Variants in SYNPO observed in about 807,000 individuals in gnomAD.
SYNPO encodes the protein synaptopodin.
In SYNPO, 19 loss-of-function variants were observed where a neutral mutation model predicts 49.5. The observed-to-expected ratio is 0.38, with a 90% CI of 0.27 to 0.56. The LOEUF is 0.56. SYNPO is among the 20% of genes least tolerant of loss of function. The probability of loss-of-function intolerance (pLI) is 0.68; values close to 1 mark genes in which losing one functional copy is unlikely to be tolerated. For missense variants in SYNPO, 1,131 were observed against 1,248.3 expected, an observed-to-expected ratio of 0.91 and a Z score of 1.42; for synonymous variants, 536 against 548.0, an observed-to-expected ratio of 0.98 and a Z score of 0.31.
At chr5:150,604,203 G>T (rs1009968146) in intron 1 of SYNPO, among the ~76,000 whole-genome samples, 4 of 152,354 alleles carry the variant, frequency 2.6e-5, no homozygotes, top group Admixed American at 6.5e-5. Flanking sequence ...GTCCTGGCAT[G>T]GGCACGGTTA....
chr5:150,642,807 C>T (rs1182961298), intron 1 of SYNPO, among the ~76,000 whole-genome samples: 2 of 152,242 alleles, frequency 1.3e-5, no homozygotes, highest in African/African-American at 2.4e-5. Context: ...GAGGGCAGGG[C>T]TCTCTTACCT....
At chr5:150,655,892 C>G (rs1758532830) in intron 2 of SYNPO, among the ~76,000 whole-genome samples, 1 of 152,230 alleles carries the variant, frequency 6.6e-6, no homozygotes, top group Admixed American at 6.5e-5. Context: ...CTCAGGTGAT[C>G]CACCCGCCTC....
At chr5:150,588,811 A>T in the SYNPO span, among the ~76,000 whole-genome samples, 1 of 152,248 alleles carries the variant, frequency 6.6e-6, no homozygotes, top group Middle Eastern at 3.4e-3. Flanking sequence ...TTTTGACATA[A>T]AAAAATTTGT....
chr5:150,591,655 G>A, the SYNPO span, among the ~76,000 whole-genome samples: 1 of 152,324 alleles, frequency 6.6e-6, no homozygotes, highest in South Asian at 2.1e-4. Flanking sequence ...ATTTCAAAGG[G>A]AATTTGATAT....
chr5:150,625,048 AGT>A lies in SYNPO; in HGVS notation c.400+6282_400+6283del, dbSNP rs928694934. 1.2e-5 allele frequency: 11 copies of A among 886,246 alleles called. No homozygotes were observed. The African/African-American group carries it at 2.0e-4, about 16-fold the overall frequency. The allele number at this position is 886,246 out of a possible 1,614,324, so 54.9% of individuals were successfully genotyped here. On this transcript the variant is annotated intron_variant, in intron 2 of 2. Coordinates refer to the SYNPO transcript ENST00000394243. ...CTCGCACGCGGGGTGACCTTGGCCA[AGT>A]CGCTTCTACACTTTGGGCCTCAGTT... is the stretch of plus-strand genomic sequence containing the variant.
chr5:150,599,275 A>C (rs1181958472), upstream of SYNPO, among the ~76,000 whole-genome samples: 1 of 152,170 alleles, frequency 6.6e-6, no homozygotes, highest in East Asian at 1.9e-4. Context: ...TAGAGAAGGG[A>C]CCCCACACAC....
At position 150,604,762 on chromosome 5, in the gene SYNPO, C is replaced by T. The variant is rs73796408; in HGVS notation, c.-266+3574C>T. Among the ~76,000 whole-genome samples the T allele has an allele frequency of 5.4e-3, 817 of 152,288 alleles. 4 individuals are homozygous for T. The highest frequency in any genetic ancestry group is 0.018 in the African/African-American group (754 of 41,554). On this transcript the variant is annotated intron_variant, in intron 1 of 2. Transcript: ENST00000394243. ...GGCACAGAAGCCCTGGCACACACTG[C>T]GGCTGGCACTGAACAAATTGTAGCT...
intron 2 of SYNPO, among the ~76,000 whole-genome samples, chr5:150,630,914 T>C (rs1016699128): frequency 2.0e-5 from 3 of 152,112 alleles, no homozygotes; most frequent in African/African-American, 7.2e-5. Context: ...CAAAGTTCTT[T>C]CCCAGATTTC....
At chr5:150,599,626 C>T (rs1756485707), upstream of SYNPO, among the ~76,000 whole-genome samples, 1 of 152,164 alleles carries the variant, frequency 6.6e-6, no homozygotes. Context: ...GTACCTACTG[C>T]AAAGTGTATC....
intron 1 of SYNPO, among the ~76,000 whole-genome samples, chr5:150,603,035 T>TGTGA (rs1473546613): frequency 2.0e-5 from 3 of 150,974 alleles, no homozygotes; most frequent in African/African-American, 7.3e-5. Flanking sequence ...TGTGTGTGTG[T>TGTGA]GTGTGTGGTG....
At chr5:150,636,085 C>T (rs974764900), upstream of SYNPO, among the ~76,000 whole-genome samples, 1 of 152,096 alleles carries the variant, frequency 6.6e-6, no homozygotes, top group Admixed American at 6.5e-5. Flanking sequence ...GTTCCCTTAC[C>T]CGAATGCAAG....
chr5:150,617,308 T>C (rs1581462739), intron 1 of SYNPO, among the ~76,000 whole-genome samples: 1 of 152,020 alleles, frequency 6.6e-6, no homozygotes, highest in South Asian at 2.1e-4. Flanking sequence ...CTTCTTTTGT[T>C]TTTTTTGGCT....
At chr5:150,625,271 C>T (rs927949652) in intron 2 of SYNPO, among the ~76,000 whole-genome samples, 5 of 152,234 alleles carry the variant, frequency 3.3e-5, no homozygotes, top group African/African-American at 1.2e-4. Context: ...TCTGTCTCCC[C>T]AAGCCCGTTC....
At position 150,649,424 on chromosome 5, in the gene SYNPO, C is replaced by T. The variant is rs1037724940; in HGVS notation, c.1149C>T (p.Phe383=). ...GCAGCCGCAAATCCATGTTTACTTT[C>T]GTGGAGAAGCCCAAGGTGACCCCGA... ...RRGSRKSMFT[F]VEKPKVTPNP... is the part of the protein sequence containing the mutation. Residue 383 remains phenylalanine (F), a synonymous_variant, in exon 2 of 3, where the codon TTC becomes TTT. Coordinates refer to ENST00000307662, the MANE Select transcript of SYNPO (RefSeq NM_007286.6). 13 of 1,614,208 alleles carry T rather than the reference C, an allele frequency of 8.1e-6. No homozygotes were observed. The highest frequency in any genetic ancestry group is 4.0e-5 in the African/African-American group (3 of 75,058).
chr5:150,599,825 G>T (rs1756489694), upstream of SYNPO, among the ~76,000 whole-genome samples: 1 of 152,190 alleles, frequency 6.6e-6, no homozygotes, highest in South Asian at 2.1e-4. Context: ...TGGGCACTTA[G>T]TAAGTGTCAA....
At chr5:150,637,361 T>C (rs1430424330), upstream of SYNPO, among the ~76,000 whole-genome samples, 2 of 152,248 alleles carry the variant, frequency 1.3e-5, no homozygotes, top group Non-Finnish European at 1.5e-5. Context: ...TGGTACTCCC[T>C]AACTCACAGC....
chr5:150,616,937 G>A (rs1185453368), intron 1 of SYNPO, among the ~76,000 whole-genome samples: 1 of 151,998 alleles, frequency 6.6e-6, no homozygotes, highest in Non-Finnish European at 1.5e-5. Context: ...TGTTGTTCCT[G>A]CTATCATTCA....
rs528141806 is a variant in SYNPO, at chr5:150,622,657, G to C, written c.400+3890G>C. Among the ~76,000 whole-genome samples the C allele has an allele frequency of 7.2e-5, 11 of 152,322 alleles. No individual in the cohort carries two copies. In the East Asian group the frequency reaches 1.9e-3, roughly 27 times the overall value. On this transcript the variant is annotated intron_variant, in intron 2 of 2. Coordinates refer to the SYNPO transcript ENST00000394243. The stretch of plus-strand genomic sequence containing the variant: ...GACATGTCTGTTTTGTTCAGGCAGA[G>C]GGACCTGTGTGCGTGTTAACAGCTG...
chr5:150,614,402 G>A (rs923368097), intron 1 of SYNPO, among the ~76,000 whole-genome samples: 3 of 152,154 alleles, frequency 2.0e-5, no homozygotes, highest in East Asian at 1.9e-4. Flanking sequence ...AGCACCTGAC[G>A]CTCAGCCGGT....
Sources: allele counts gnomAD v4.1 joint callset (sites outside exome capture counted in the v4.1 genomes callset), GRCh38; gene constraint gnomAD v4.1.1; transcripts MANE v1.5; gene names NCBI Gene and HGNC (gene_info 2026-07-23, HGNC 2026-07-21).